Variants in CAPN12 observed in about 807,000 individuals in gnomAD.
CAPN12 encodes calpain 12, also known as calpain-12.
A neutral mutation model predicts 95.0 loss-of-function variants in CAPN12; 107 were observed. The ratio of observed to expected loss-of-function variants is 1.13; its 90% CI spans 0.96 to 1.32. The LOEUF is 1.32. CAPN12 is among the 40% of genes most tolerant of loss of function. The pLI, the probability that CAPN12 is intolerant of heterozygous loss-of-function variation, is 0.00. For missense variants in CAPN12, 1,136 were observed against 997.8 expected (o/e 1.14, Z -1.87); for synonymous variants, 505 against 415.5 (o/e 1.22, Z -2.62).
chr19:38,739,648 A>G, intron 5 of CAPN12: 1 of 157,440 alleles, frequency 6.4e-6, no homozygotes. Flanking sequence ...TGAACACATG[A>G]CCCAAGCTAA....
intron 10 of CAPN12, chr19:38,736,899 G>GCCCCCC: frequency 2.2e-6 from 1 of 447,600 alleles, no homozygotes; most frequent in Non-Finnish European, 4.0e-6. Context: ...CTGAGACCTG[G>GCCCCCC]CCCCCCAGCC....
rs79072548 is a variant in CAPN12, at chr19:38,730,543, T to G, written c.*309A>C. 0.025 allele frequency: 11,290 copies of G among 452,326 alleles called. 566 individuals carry two copies. Among genetic ancestry groups the G allele is most frequent in the South Asian group, 0.12 (3,357 of 27,224 alleles). 28.0% of individuals were successfully genotyped at this position (452,326 alleles called of 1,614,324 possible). ...ATTTTTAAGAAGGATTCCTGCAGCA[T>G]CATCTTTTTTTATTTCTCCTGTGTC... On this transcript the variant is annotated 3_prime_UTR_variant, in exon 21 of 21. Transcript: ENST00000328867.
intron 11 of CAPN12, 69 bp downstream of exon 11, chr19:38,736,483 G>C (rs1409572810): frequency 6.0e-6 from 3 of 501,484 alleles, no homozygotes; most frequent in Non-Finnish European, 8.1e-6. Context: ...CAAGCCCCAG[G>C]GCAGGTTGAC....
At chr19:38,738,042 C>T (rs1336252193) in intron 8 of CAPN12, among the ~76,000 whole-genome samples, 1 of 152,120 alleles carries the variant, frequency 6.6e-6, no homozygotes, top group Admixed American at 6.5e-5. Flanking sequence ...GATAACTAGG[C>T]CTTCAAATTC....
chr19:38,730,838 C>T lies in CAPN12; in HGVS notation c.*14G>A, dbSNP rs1332578984. 32 of 1,550,786 alleles carry T rather than the reference C, an allele frequency of 2.1e-5. No individual in the cohort carries two copies. The highest frequency in any genetic ancestry group is 7.3e-5 in the East Asian group (3 of 41,010). On this transcript the variant is annotated 3_prime_UTR_variant, in exon 21 of 21. Coordinates refer to ENST00000328867, the MANE Select transcript of CAPN12 (RefSeq NM_144691.4). ...AACCCTGCCCTGAGCAGCAGGTGCG[C>T]CCATCCGGAGATCCTAGGAGAAGGT... is the stretch of plus-strand genomic sequence containing the variant.
intron 12 of CAPN12, among the ~76,000 whole-genome samples, 189 bp downstream of exon 12, chr19:38,735,921 G>T (rs1446004344): frequency 9.6e-5 from 1 of 10,432 alleles, no homozygotes; most frequent in Non-Finnish European, 2.5e-4. Context: ...GCGGGGCGGG[G>T]CGGGGCGGGG....
At chr19:38,736,736 C>G in intron 10 of CAPN12, 173 bp from the exon 11 acceptor site, 1 of 783,014 alleles carries the variant, frequency 1.3e-6, no homozygotes, top group Non-Finnish European at 2.0e-6. Flanking sequence ...GACCCCTCCC[C>G]AACTCTTCCT....
chr19:38,734,048 C>G, intron 17 of CAPN12, 94 bp downstream of exon 17: 1 of 1,385,260 alleles, frequency 7.2e-7, no homozygotes, highest in East Asian at 2.4e-5. Context: ...AGTACCCCCT[C>G]GTTCCCTGGG....
chr19:38,742,665 C>A (rs1160966560), intron 2 of CAPN12, 137 bp from the exon 3 acceptor site: 23 of 643,038 alleles, frequency 3.6e-5, no homozygotes, highest in Non-Finnish European at 5.5e-5. Flanking sequence ...CCAGCCTGGC[C>A]AACATGGCAA....
Position 38,733,795 on chromosome 19 carries a change from A to C in CAPN12, c.1879-14T>G, listed in dbSNP as rs1233938416. ...GTTAAATATGGCCTGGGCAGGAAGG[A>C]TGAGTCAGGGCTGCCCTCCATGCCC... On this transcript the variant is annotated splice_polypyrimidine_tract_variant and intron_variant, in intron 17 of 20. Transcript: ENST00000328867. 1.2e-6 allele frequency: 2 copies of C among 1,609,048 alleles called. No individual in the cohort carries two copies.
intron 12 of CAPN12, 65 bp from the exon 13 acceptor site, chr19:38,735,609 G>C (rs117242020): frequency 1.3e-6 from 2 of 1,544,036 alleles, no homozygotes; most frequent in Non-Finnish European, 1.8e-6. Context: ...TGTGGGACGG[G>C]GTCTCAGGTG....
intron 3 of CAPN12, 38 bp downstream of exon 3, chr19:38,742,372 G>A (rs1970596161): frequency 1.4e-6 from 2 of 1,410,468 alleles, no homozygotes; most frequent in Non-Finnish European, 2.0e-6. Flanking sequence ...AGTCACCATG[G>A]GGGAAACGGA....
intron 5 of CAPN12, chr19:38,738,900 G>A: frequency 1.8e-6 from 1 of 541,352 alleles, no homozygotes; most frequent in Non-Finnish European, 3.3e-6. Context: ...GGGAGGTCGA[G>A]GTGGAAGGAC....
intron 4 of CAPN12, 151 bp from the exon 5 acceptor site, chr19:38,740,370 G>T (rs1970478284): frequency 1.2e-6 from 1 of 864,544 alleles, no homozygotes; most frequent in Non-Finnish European, 1.7e-6. Flanking sequence ...TCACCCTGTG[G>T]CCCAGGCCGG....
At position 38,736,247 on chromosome 19, in the gene CAPN12, G is replaced by A; in HGVS notation, c.1446C>T (p.Pro482=). The A allele has an allele frequency of 6.8e-7, 1 of 1,480,052 alleles. No homozygotes were observed. The highest frequency in any genetic ancestry group is 8.9e-7 in the Non-Finnish European group (1 of 1,123,352). The allele number at this position is 1,480,052 out of a possible 1,614,324, so 91.7% of individuals were successfully genotyped here. Residue 482 remains proline, a synonymous_variant, in exon 12 of 21, where the codon CCC becomes CCT. Coordinates refer to ENST00000328867, the MANE Select transcript of CAPN12 (RefSeq NM_144691.4). ...LPRLLRADRS[P]LSARRDVTRR... ...GGGTCACGTCGCGGCGGGCGCTGAG[G>A]GGCGAGCGGTCGGCGCGCAGCAGCC...
At chr19:38,737,664 G>A (rs769198811) in intron 8 of CAPN12, 26 bp from the exon 9 acceptor site, 34 of 1,535,080 alleles carry the variant, frequency 2.2e-5, no homozygotes, top group Non-Finnish European at 2.8e-5. Context: ...GTCAGACCCT[G>A]CCCGGCCCCA....
intron 14 of CAPN12, 106 bp from the exon 15 acceptor site, chr19:38,734,976 G>T: frequency 1.9e-6 from 2 of 1,056,366 alleles, no homozygotes; most frequent in Non-Finnish European, 2.8e-6. Flanking sequence ...CAGAGCCCTA[G>T]CTCCAGGAGT....
intron 5 of CAPN12, 161 bp from the exon 6 acceptor site, chr19:38,738,809 A>G: frequency 1.6e-6 from 1 of 631,402 alleles, no homozygotes; most frequent in South Asian, 1.9e-5. Context: ...TGAAGGCGAA[A>G]GAGAAAAGGA....
In CAPN12 at chr19:38,736,287, TG is replaced by T; in HGVS notation, c.1405del (p.His469MetfsTer21). 4 of 1,444,580 alleles carry T rather than the reference TG, an allele frequency of 2.8e-6. No individual in the cohort carries two copies. The highest frequency in any genetic ancestry group is 2.7e-6 in the Non-Finnish European group (3 of 1,106,746). The allele number at this position is 1,444,580 out of a possible 1,614,324, so 89.5% of individuals were successfully genotyped here. On this transcript the variant is annotated frameshift_variant, in exon 12 of 21. Transcript: ENST00000328867. LOFTEE classifies it high-confidence loss of function. ...LLGLWDSPRS[H>X]ALLPRLLRAD... Reference sequence around the variant, plus strand: ...GCGCAGCAGCCGGGGCAGGAGCGCATGGCTGCGCGGGGAATCCCAGAGGCCC... The same window carrying T: ...GCGCAGCAGCCGGGGCAGGAGCGCATGCTGCGCGGGGAATCCCAGAGGCCC...
Sources: gnomAD v4.1 joint callset for allele counts (sites outside exome capture counted in the v4.1 genomes callset) on GRCh38, gnomAD v4.1.1 for gene constraint, MANE v1.5 for transcripts, NCBI Gene and HGNC (gene_info 2026-07-23, HGNC 2026-07-21) for gene names.